Variants in PLSCR5 observed in about 807,000 individuals in gnomAD.
The protein encoded by PLSCR5 is phospholipid scramblase family member 5.
In PLSCR5, 44 loss-of-function variants were observed where a neutral mutation model predicts 33.6. That is an observed-to-expected ratio of 1.31 (90% CI 1.03 to 1.69). The LOEUF (loss-of-function observed/expected upper bound fraction) is 1.69, where lower values mean the gene tolerates loss of function less well. PLSCR5 is among the 40% of genes most tolerant of loss of function. The pLI is 0.00. For missense variants in PLSCR5, 375 were observed against 318.7 expected (o/e 1.18, Z -1.34); for synonymous variants, 148 against 112.3 (o/e 1.32, Z -2.01).
chr3:146,593,647 C>T (rs2044733370), intron 4 of PLSCR5, among the ~76,000 whole-genome samples: 2 of 152,240 alleles, frequency 1.3e-5, no homozygotes, highest in South Asian at 4.1e-4. Context: ...TACATGACTA[C>T]TATAGAGATT....
intron 2 of PLSCR5, among the ~76,000 whole-genome samples, chr3:146,595,669 A>G (rs1471995685): frequency 6.6e-6 from 1 of 152,236 alleles, no homozygotes; most frequent in Non-Finnish European, 1.5e-5. Flanking sequence ...TAACTCCGCA[A>G]TAATGAGAAA....
At chr3:146,591,511 A>AT (rs762793281) in intron 5 of PLSCR5, among the ~76,000 whole-genome samples, 76 of 152,026 alleles carry the variant, frequency 5.0e-4, no homozygotes, top group Non-Finnish European at 8.4e-4. Context: ...TTGTAATATT[A>AT]TTTTTAAAAA....
chr3:146,576,903 G>A (rs73867414), intron 7 of PLSCR5, among the ~76,000 whole-genome samples: 4,665 of 151,662 alleles, frequency 0.031, 255 homozygotes, highest in African/African-American at 0.11. Context: ...TTTTGAATCC[G>A]GAATTAAAAA....
intron 4 of PLSCR5, among the ~76,000 whole-genome samples, chr3:146,592,127 G>A (rs1036386038): frequency 3.3e-5 from 5 of 151,944 alleles, no homozygotes; most frequent in African/African-American, 7.2e-5. Context: ...TTTCCCTAAA[G>A]AGAATCTACC....
chr3:146,584,954 G>C (rs963125644), downstream of PLSCR5, among the ~76,000 whole-genome samples: 5 of 152,056 alleles, frequency 3.3e-5, no homozygotes, highest in African/African-American at 1.2e-4. Flanking sequence ...ACTGTAGGTG[G>C]TATTTGTGTA....
At chr3:146,605,054 G>T (rs557466804) in intron 1 of PLSCR5, 146 bp downstream of exon 1, 5 of 765,094 alleles carry the variant, frequency 6.5e-6, no homozygotes, top group Non-Finnish European at 9.9e-6. Context: ...ATGCTCCTGG[G>T]AGTTAAGATT....
chr3:146,597,339 G>A (rs67479911), intron 2 of PLSCR5, among the ~76,000 whole-genome samples: 43,269 of 151,870 alleles, frequency 0.28, 6,320 homozygotes, highest in African/African-American at 0.36. Context: ...ATGTGAGGAA[G>A]CAAGCCCACA....
chr3:146,591,861 AGGAGGGGCTT>A lies in PLSCR5; in HGVS notation c.464_473del (p.Gln155LeufsTer4). 2 of 1,606,550 alleles carry A rather than the reference AGGAGGGGCTT, an allele frequency of 1.2e-6. No individual in the cohort carries two copies. Among genetic ancestry groups the A allele is most frequent in the Non-Finnish European group, 8.5e-7 (1 of 1,176,542 alleles). The stretch of plus-strand genomic sequence containing the variant: ...GCGTAACGTAACCAACTATAGTACC[AGGAGGGGCTT>A]GGATTTCTAACTGTAAGAAGAGATA... On this transcript the variant is annotated frameshift_variant, in exon 5 of 8. Transcript: ENST00000443512. LOFTEE classifies it high-confidence loss of function.
At chr3:146,601,242 A>C (rs376324) in intron 1 of PLSCR5, among the ~76,000 whole-genome samples, 2 of 151,598 alleles carry the variant, frequency 1.3e-5, no homozygotes, top group Non-Finnish European at 1.5e-5. Context: ...TTTATGTATA[A>C]CCCCTAATAA....
intron 2 of PLSCR5, among the ~76,000 whole-genome samples, chr3:146,595,962 G>A (rs2107855843): frequency 2.0e-5 from 3 of 152,270 alleles, no homozygotes; most frequent in Non-Finnish European, 4.4e-5. Flanking sequence ...AAATAAAAAT[G>A]AGTTCCTGTG....
downstream of PLSCR5, among the ~76,000 whole-genome samples, chr3:146,583,902 T>C (rs537075214): frequency 1.3e-5 from 2 of 152,304 alleles, no homozygotes; most frequent in South Asian, 4.1e-4. Context: ...GGTGAAAATC[T>C]CAGCTGTTGC....
intron 5 of PLSCR5, among the ~76,000 whole-genome samples, chr3:146,590,669 G>C (rs2044705981): frequency 6.6e-6 from 1 of 152,036 alleles, no homozygotes. Context: ...TATGTTTAAA[G>C]TCCTCCTCAA....
At chr3:146,579,696 A>G (rs944294858) in intron 7 of PLSCR5, among the ~76,000 whole-genome samples, 10 of 152,236 alleles carry the variant, frequency 6.6e-5, no homozygotes, top group African/African-American at 2.2e-4. Flanking sequence ...GAGTTTCAAT[A>G]CAGTTTCTAA....
Position 146,589,689 on chromosome 3 carries a change from T to G in PLSCR5, c.741A>C (p.Thr247=), listed in dbSNP as rs775337830. ...AGGCACCGATCATTGCTGCTTTGAC[T>G]GTTACATCTAGATCTGCAGGAACAT... The part of the protein sequence containing the change: ...GIHVPADLDV[T]VKAAMIGACF... The change falls in exon 6 of 8, where the codon ACA becomes ACC. Residue 247 remains threonine (T), a synonymous_variant. Coordinates refer to ENST00000443512, the MANE Select transcript of PLSCR5 (RefSeq NM_001085420.2). 6.2e-7 allele frequency: 1 copy of G among 1,602,402 alleles called. No individual in the cohort carries two copies. Among genetic ancestry groups the G allele is most frequent in the South Asian group, 1.1e-5 (1 of 89,732 alleles).
intron 2 of PLSCR5, among the ~76,000 whole-genome samples, chr3:146,599,002 A>T (rs950251632): frequency 1.3e-5 from 2 of 152,350 alleles, no homozygotes; most frequent in African/African-American, 4.8e-5. Context: ...TGATTTTGAT[A>T]AAGGAGATAG....
At chr3:146,589,053 A>T (rs1350235637) in intron 6 of PLSCR5, among the ~76,000 whole-genome samples, 1 of 152,224 alleles carries the variant, frequency 6.6e-6, no homozygotes, top group African/African-American at 2.4e-5. Flanking sequence ...AAGCATTTTG[A>T]TACAGGTATT....
chr3:146,598,563 A>G (rs1030781836), intron 2 of PLSCR5, among the ~76,000 whole-genome samples: 1 of 152,216 alleles, frequency 6.6e-6, no homozygotes, highest in Non-Finnish European at 1.5e-5. Flanking sequence ...TACTTATTGA[A>G]CACAACAAAA....
chr3:146,600,057 C>G (rs376826944), intron 2 of PLSCR5, among the ~76,000 whole-genome samples: 2 of 151,978 alleles, frequency 1.3e-5, no homozygotes, highest in South Asian at 4.1e-4. Flanking sequence ...AATATTTAGT[C>G]TCATCATTCT....
chr3:146,600,194 T>G (rs1375355124), intron 2 of PLSCR5, 94 bp downstream of exon 2: 28 of 1,005,266 alleles, frequency 2.8e-5, no homozygotes, highest in Non-Finnish European at 3.5e-5. Flanking sequence ...AATTATTGGT[T>G]AAATTCTTTC....
Sources: allele counts gnomAD v4.1 joint callset (sites outside exome capture counted in the v4.1 genomes callset), GRCh38; gene constraint gnomAD v4.1.1; transcripts MANE v1.5; gene names NCBI Gene and HGNC (gene_info 2026-07-23, HGNC 2026-07-21).